Variants in HMMR observed in about 807,000 individuals in gnomAD.
The protein encoded by HMMR is intracellular hyaluronic acid-binding protein.
A neutral mutation model predicts 101.0 loss-of-function variants in HMMR; 108 were observed. The ratio of observed to expected loss-of-function variants is 1.07; its 90% CI spans 0.92 to 1.25. The LOEUF (loss-of-function observed/expected upper bound fraction) is 1.25, where lower values mean the gene tolerates loss of function less well. HMMR is among the 50% of genes most tolerant of loss of function. The probability of loss-of-function intolerance (pLI) is 0.00; values close to 1 mark genes in which losing one functional copy is unlikely to be tolerated. For synonymous variants in HMMR, 296 were observed against 276.4 expected (o/e 1.07, Z -0.70); for missense variants, 813 against 788.7 (o/e 1.03, Z -0.37).
chr5:163,460,791 C>G (rs531753285), intron 1 of HMMR, 53 bp downstream of exon 1: 1 of 1,513,298 alleles, frequency 6.6e-7, no homozygotes, highest in Non-Finnish European at 9.1e-7. Flanking sequence ...CGCCCTTTGC[C>G]TCTTTCAGCT....
rs370103264 is a variant in HMMR at position 163,490,557 on chromosome 5, G to A, written c.2125+5G>A. The A allele has an allele frequency of 4.9e-5, 78 of 1,577,536 alleles. No individual in the cohort carries two copies. Among genetic ancestry groups the A allele is most frequent in the Non-Finnish European group, 6.4e-5 (75 of 1,163,118 alleles). On this transcript the variant is annotated splice_donor_5th_base_variant and intron_variant, in intron 17 of 17. Transcript: ENST00000393915. ...TGAAGACCCCATTAAAAGAAGGTAA[G>A]ACATGAATAAATGTATAAAAGTGTC...
At position 163,464,669 on chromosome 5, in the gene HMMR, G is replaced by A. The variant is rs1290041739; in HGVS notation, c.146-54G>A. 3 of 1,172,142 alleles carry A rather than the reference G, an allele frequency of 2.6e-6. No homozygotes were observed. In the African/African-American group the frequency reaches 4.7e-5, roughly 18 times the overall value. 72.6% of individuals were successfully genotyped at this position (1,172,142 alleles called of 1,614,324 possible). A position where few individuals can be genotyped will look rare whatever the true frequency, so the allele number is the denominator to read the frequency against. On this transcript the variant is annotated intron_variant, in intron 2 of 17. Transcript: ENST00000393915. ...AAAATTTGGAAATTGTGTTTTGTGTGTAGTTAAAACACATTGACATCAACC... is the reference window on the plus strand; with the variant it reads ...AAAATTTGGAAATTGTGTTTTGTGTATAGTTAAAACACATTGACATCAACC...
chr5:163,465,591 G>A (rs1258839708), intron 3 of HMMR, among the ~76,000 whole-genome samples: 2 of 152,102 alleles, frequency 1.3e-5, no homozygotes, highest in African/African-American at 4.8e-5. Context: ...CAGGTGATCA[G>A]CCCACTTTGG....
intron 11 of HMMR, among the ~76,000 whole-genome samples, chr5:163,476,726 A>G (rs1412246024): frequency 6.6e-6 from 1 of 152,200 alleles, no homozygotes; most frequent in Non-Finnish European, 1.5e-5. Context: ...TCTCTTATTT[A>G]CAGTAGAAAG....
intron 7 of HMMR, 45 bp downstream of exon 7, chr5:163,471,508 C>A: frequency 7.7e-7 from 1 of 1,296,338 alleles, no homozygotes; most frequent in Non-Finnish European, 1.1e-6. Flanking sequence ...GGAAGCAATT[C>A]TTGATTTGAG....
At chr5:163,469,596 G>A (rs1388555223) in intron 4 of HMMR, 45 bp from the exon 5 acceptor site, 2 of 1,499,374 alleles carry the variant, frequency 1.3e-6, no homozygotes, top group African/African-American at 2.8e-5. Context: ...CCTTATGTTG[G>A]CATTCTATCA....
intron 10 of HMMR, 39 bp from the exon 11 acceptor site, chr5:163,475,419 C>T: frequency 2.4e-6 from 3 of 1,225,474 alleles, no homozygotes; most frequent in East Asian, 2.4e-5. Context: ...CTCACAATGC[C>T]ATTCCAAATT....
At chr5:163,464,630 AAG>A in intron 2 of HMMR, 91 bp from the exon 3 acceptor site, 1 of 863,868 alleles carries the variant, frequency 1.2e-6, no homozygotes, top group Non-Finnish European at 1.9e-6. Context: ...AACAAACAAA[AAG>A]AGAAAGACAA....
At chr5:163,466,223 T>A (rs1758702276) in intron 3 of HMMR, among the ~76,000 whole-genome samples, 1 of 149,888 alleles carries the variant, frequency 6.7e-6, no homozygotes, top group South Asian at 2.1e-4. Flanking sequence ...GCCGAGAGAT[T>A]GCACCACTGC....
intron 11 of HMMR, among the ~76,000 whole-genome samples, chr5:163,477,833 A>G (rs888667831): frequency 1.3e-5 from 2 of 152,208 alleles, no homozygotes; most frequent in African/African-American, 4.8e-5. Context: ...CTAAGAATTG[A>G]AAATAATTCC....
chr5:163,491,193 T>G lies in HMMR; in HGVS notation c.*29T>G. 1 of 1,294,500 alleles carries G rather than the reference T, an allele frequency of 7.7e-7. No individual in the cohort carries two copies. Among genetic ancestry groups the G allele is most frequent in the Non-Finnish European group, 1.1e-6 (1 of 917,078 alleles). The allele number at this position is 1,294,500 out of a possible 1,614,324, so 80.2% of individuals were successfully genotyped here. On this transcript the variant is annotated 3_prime_UTR_variant, in exon 18 of 18. Transcript: ENST00000393915. ...TCTGAGAAACCTGTTGAAGATTATTTCATTCGTCTTGTTGTTATTGATGTT... is the reference window on the plus strand; with the variant it reads ...TCTGAGAAACCTGTTGAAGATTATTGCATTCGTCTTGTTGTTATTGATGTT...
At chr5:163,470,275 C>G (rs926107136) in intron 5 of HMMR, among the ~76,000 whole-genome samples, 2 of 152,106 alleles carry the variant, frequency 1.3e-5, no homozygotes, top group African/African-American at 4.8e-5. Flanking sequence ...TAGAGTCTTG[C>G]AATGGACTTT....
At chr5:163,473,052 ATAATAGT>A (rs1758945785) in intron 7 of HMMR, 120 bp from the exon 8 acceptor site, 11 of 524,550 alleles carry the variant, frequency 2.1e-5, no homozygotes, top group Admixed American at 3.8e-5. Flanking sequence ...ATTACATAAA[ATAATAGT>A]TAAGAGTTAG....
chr5:163,463,222 A>G (rs557530848), intron 1 of HMMR, among the ~76,000 whole-genome samples: 12 of 152,320 alleles, frequency 7.9e-5, no homozygotes, highest in African/African-American at 2.6e-4. Context: ...TAAGCCTCAC[A>G]TTCTTTGTCT....
At chr5:163,462,827 C>CAA (rs72118799) in intron 1 of HMMR, among the ~76,000 whole-genome samples, 2 of 70,674 alleles carry the variant, frequency 2.8e-5, no homozygotes, top group Admixed American at 1.7e-4. Flanking sequence ...GACTCCGTCT[C>CAA]AAAAAAAAAA....
intron 9 of HMMR, among the ~76,000 whole-genome samples, 200 bp from the exon 10 acceptor site, chr5:163,473,855 AAC>A (rs1758980571): frequency 6.6e-6 from 1 of 152,056 alleles, no homozygotes; most frequent in Non-Finnish European, 1.5e-5. Context: ...ATCAGTAGAT[AAC>A]ACAGAACAAG....
At chr5:163,476,294 G>A (rs543964883) in intron 11 of HMMR, among the ~76,000 whole-genome samples, 1 of 152,244 alleles carries the variant, frequency 6.6e-6, no homozygotes, top group East Asian at 1.9e-4. Flanking sequence ...TCTAGCCTGA[G>A]CAACAGAGTG....
chr5:163,469,620 TA>T lies in HMMR; in HGVS notation c.274-20del. The T allele has an allele frequency of 6.3e-7, 1 of 1,595,996 alleles. No homozygotes were observed. The highest frequency in any genetic ancestry group is 8.5e-7 in the Non-Finnish European group (1 of 1,171,006). ...GGCATTCTATCAGTGAATCATTTAT[TA>T]TCACCTTGTTTTTGTCCAGATTCGT... On this transcript the variant is annotated intron_variant, in intron 4 of 17. Transcript: ENST00000393915.
chr5:163,487,951 G>A (rs942612470), intron 16 of HMMR, among the ~76,000 whole-genome samples: 46 of 152,040 alleles, frequency 3.0e-4, no homozygotes, highest in African/African-American at 1.1e-3. Context: ...ACCTCCCTGG[G>A]CTCAGGTGAT....
Sources: gnomAD v4.1 joint callset for allele counts (sites outside exome capture counted in the v4.1 genomes callset) on GRCh38, gnomAD v4.1.1 for gene constraint, MANE v1.5 for transcripts, NCBI Gene and HGNC (gene_info 2026-07-23, HGNC 2026-07-21) for gene names.